Variants in ADAMTS7 observed in about 807,000 individuals in gnomAD.
ADAMTS7 encodes A disintegrin and metalloproteinase with thrombospondin motifs 7.
A neutral mutation model predicts 172.6 loss-of-function variants in ADAMTS7; 89 were observed. That is an observed-to-expected ratio of 0.52 (90% CI 0.43 to 0.61). The LOEUF (loss-of-function observed/expected upper bound fraction) is 0.61. ADAMTS7 is among the 20% of genes least tolerant of loss of function. The pLI is 0.00. For missense variants in ADAMTS7, 1,973 were observed against 2,355.6 expected (o/e 0.84, Z 3.36); for synonymous variants, 885 against 978.4 (o/e 0.90, Z 1.78).
At chr15:78,777,062 G>A in intron 9 of ADAMTS7, 1 of 579,596 alleles carries the variant, frequency 1.7e-6, no homozygotes. Flanking sequence ...GCGGTCCCCA[G>A]CTGTCCACAC....
In ADAMTS7 at chr15:78,768,227, G is replaced by T; in HGVS notation, c.2551C>A (p.Arg851=). 2.5e-6 allele frequency: 4 copies of T among 1,610,718 alleles called. No individual in the cohort carries two copies. Among genetic ancestry groups the T allele is most frequent in the Non-Finnish European group, 3.4e-6 (4 of 1,179,628 alleles). Residue 851 remains arginine (R), a synonymous_variant, in exon 17 of 24, where the codon CGG becomes AGG. Transcript: ENST00000388820. ...TCCTCGTCCACGGGCCCTGCCTGCCGCTCCAAGCAGTACACATTCTGCCTC... is the reference window on the plus strand; with the variant it reads ...TCCTCGTCCACGGGCCCTGCCTGCCTCTCCAAGCAGTACACATTCTGCCTC... ...VQRQNVYCLE[R]QAGPVDEEHC... is the part of the protein sequence containing the mutation.
intron 1 of ADAMTS7, among the ~76,000 whole-genome samples, chr15:78,806,123 CACACAAAAAAAAAAAAAAA>C (rs1185752500): frequency 5.5e-4 from 11 of 20,122 alleles, no homozygotes; most frequent in South Asian, 6.0e-3. Context: ...CACACACACA[CACACAAAAAAAAAAAAAAA>C]AAAAAAAAAA....
chr15:78,788,625 G>C (rs2055538737), intron 7 of ADAMTS7, among the ~76,000 whole-genome samples: 1 of 152,254 alleles, frequency 6.6e-6, no homozygotes. Flanking sequence ...CAGGGACCCA[G>C]AGCAGCCCTG....
rs185165023 is a variant in ADAMTS7 at position 78,761,790 on chromosome 15, C to T, written c.4903+613G>A. The T allele has an allele frequency of 3.6e-4, 344 of 965,072 alleles. 2 individuals are homozygous for T. The African/African-American group carries it at 5.4e-3, about 15-fold the overall frequency. The allele number at this position is 965,072 out of a possible 1,614,324, so 59.8% of individuals were successfully genotyped here. A position where few individuals can be genotyped will look rare whatever the true frequency, so the allele number is the denominator to read the frequency against. On this transcript the variant is annotated intron_variant, in intron 23 of 23. Coordinates refer to ENST00000388820, the MANE Select transcript of ADAMTS7 (RefSeq NM_014272.5). ...CACGCACACATGCTGGAGGCGGCGG[C>T]AGGGGTGTCCAGAACCACCTCTACC...
Position 78,777,490 on chromosome 15 carries a change from C to T in ADAMTS7, c.1421G>A (p.Cys474Tyr). Residue 474 changes from cysteine (C) to tyrosine (Y), a missense_variant, in exon 9 of 24, where the codon TGC (cysteine) becomes TAC (tyrosine). By Grantham distance (194) the Cys-to-Tyr change is radical (BLOSUM62 -2). This residue lies in a region of ADAMTS7 where 526 missense variants were observed against 662.9 expected (regional missense o/e 0.79). Coordinates refer to ENST00000388820, the MANE Select transcript of ADAMTS7 (RefSeq NM_014272.5). ...PGVLYDVSHQ[C>Y]RLQYGAYSAF... is the part of the protein sequence containing the mutation. The stretch of plus-strand genomic sequence containing the variant: ...AGAGTAGGCCCCGTACTGGAGGCGG[C>T]ACTGGTGGCTTACATCATAGAGGAC... 6.2e-7 allele frequency: 1 copy of T among 1,612,896 alleles called. No homozygotes were observed. Among genetic ancestry groups the T allele is most frequent in the South Asian group, 1.1e-5 (1 of 90,716 alleles).
intron 11 of ADAMTS7, 33 bp from the exon 12 acceptor site, chr15:78,774,826 G>A (rs754357114): frequency 7.1e-6 from 11 of 1,555,532 alleles, no homozygotes; most frequent in African/African-American, 5.4e-5. Flanking sequence ...CCCCAGTGAC[G>A]GCCCAGTGAG....
intron 16 of ADAMTS7, among the ~76,000 whole-genome samples, chr15:78,770,131 C>G (rs2055222472): frequency 6.6e-6 from 1 of 151,238 alleles, no homozygotes; most frequent in Non-Finnish European, 1.5e-5. Flanking sequence ...CCATTGCACT[C>G]CAGCCTGGGC....
intron 20 of ADAMTS7, among the ~76,000 whole-genome samples, 192 bp downstream of exon 20, chr15:78,764,363 A>T (rs1195747623): frequency 6.6e-6 from 1 of 152,250 alleles, no homozygotes; most frequent in East Asian, 1.9e-4. Context: ...AAAGATACAG[A>T]GGAAAGGAGA....
chr15:78,779,632 C>G (rs1202522064), intron 8 of ADAMTS7, among the ~76,000 whole-genome samples: 2 of 152,198 alleles, frequency 1.3e-5, no homozygotes, highest in Non-Finnish European at 2.9e-5. Context: ...GGCAGAGTAT[C>G]AGCGGCGGGT....
Position 78,800,434 on chromosome 15 carries a change from C to G in ADAMTS7, c.214G>C (p.Val72Leu). 6.2e-7 allele frequency: 1 copy of G among 1,610,868 alleles called. No homozygotes were observed. Reference protein sequence around the residue: ...LWPRALRKRDVSVRRDAPAFY... With the variant: ...LWPRALRKRDLSVRRDAPAFY... ...GCGGGCGCGTCTCGGCGCACAGATA[C>G]ATCCCGCTTGCGCAGTGCGCGGGGC... The change falls in exon 2 of 24, where the codon GTA becomes CTA. Residue 72 changes from valine (V) to leucine (L), a missense_variant. Around this residue, in one of 8 missense-constraint regions of ADAMTS7, gnomAD observed 306 missense variants for 288.0 expected, o/e 1.06. Transcript: ENST00000388820.
At chr15:78,806,400 AG>A (rs1476376833) in intron 1 of ADAMTS7, among the ~76,000 whole-genome samples, 2 of 152,220 alleles carry the variant, frequency 1.3e-5, no homozygotes, top group Non-Finnish European at 2.9e-5. Context: ...GAAGTAAGAA[AG>A]GGCAACAAGA....
rs200008556 is a variant in ADAMTS7 at position 78,773,545 on chromosome 15, A to C, written c.2011-342T>G. On this transcript the variant is annotated intron_variant, in intron 13 of 23. Transcript: ENST00000388820. ...CTGAGCAGCGCGTGCAGGGAATTTC[A>C]ACGTCAAAGGCACTGGGGGTTGGCA... Among the ~76,000 whole-genome samples, 150 of 151,922 alleles carry C rather than the reference A, an allele frequency of 9.9e-4. 2 individuals are homozygous for C. The East Asian group carries it at 0.026, about 27-fold the overall frequency.
At chr15:78,809,232 A>C (rs1298977550) in intron 1 of ADAMTS7, among the ~76,000 whole-genome samples, 1 of 152,152 alleles carries the variant, frequency 6.6e-6, no homozygotes, top group Non-Finnish European at 1.5e-5. Flanking sequence ...TATTTTCCTA[A>C]AAGTGAGCCC....
intron 14 of ADAMTS7, among the ~76,000 whole-genome samples, chr15:78,772,763 G>A (rs184655898): frequency 3.3e-5 from 5 of 152,380 alleles, no homozygotes; most frequent in East Asian, 1.9e-4. Context: ...AAAACAGACC[G>A]GAGGTGAGGA....
In ADAMTS7 at chr15:78,767,509, C is replaced by T. The variant is rs1180646591; in HGVS notation, c.2729G>A (p.Ser910Asn). 1 of 1,608,508 alleles carries T rather than the reference C, an allele frequency of 6.2e-7. No homozygotes were observed. Among genetic ancestry groups the T allele is most frequent in the South Asian group, 1.1e-5 (1 of 90,490 alleles). ...LSRRAVLCIR[S>N]VGLDEQSALE... ...GGCGCTCTGCTCATCCAGCCCCACGCTGCGGATGCAGAGCACGGCCCGGCG... is the reference window on the plus strand; with the variant it reads ...GGCGCTCTGCTCATCCAGCCCCACGTTGCGGATGCAGAGCACGGCCCGGCG... Residue 910 changes from serine to asparagine, a missense_variant, in exon 18 of 24, where the codon AGC (serine) becomes AAC (asparagine). Coordinates refer to ENST00000388820, the MANE Select transcript of ADAMTS7 (RefSeq NM_014272.5).
intron 1 of ADAMTS7, among the ~76,000 whole-genome samples, chr15:78,804,053 A>G (rs1246325855): frequency 6.6e-6 from 1 of 152,156 alleles, no homozygotes; most frequent in Non-Finnish European, 1.5e-5. Flanking sequence ...TTCCTAGGTG[A>G]GACAGCAAAG....
chr15:78,774,472 G>A lies in ADAMTS7; in HGVS notation c.1876+152C>T, dbSNP rs994807682. 6.8e-5 allele frequency: 93 copies of A among 1,372,782 alleles called. No individual in the cohort carries two copies. The African/African-American group carries it at 1.2e-3, about 18-fold the overall frequency. The allele number at this position is 1,372,782 out of a possible 1,614,324, so 85.0% of individuals were successfully genotyped here. ...GCTATCTGCAAGGCTGCAGACTGGG[G>A]AGCTAGGGGCGAGCAGCAGCCCCAG... On this transcript the variant is annotated intron_variant, in intron 12 of 23. Coordinates refer to ENST00000388820, the MANE Select transcript of ADAMTS7 (RefSeq NM_014272.5).
At chr15:78,808,857 T>A (rs999412368) in intron 1 of ADAMTS7, among the ~76,000 whole-genome samples, 1 of 152,232 alleles carries the variant, frequency 6.6e-6, no homozygotes, top group African/African-American at 2.4e-5. Flanking sequence ...TCTGTTCTGA[T>A]TGGACCAAGC....
rs114025221 is a variant in ADAMTS7 at position 78,808,568 on chromosome 15, G to C, written c.100+2553C>G. Among the ~76,000 whole-genome samples the C allele has an allele frequency of 5.6e-3, 858 of 152,210 alleles. 11 individuals carry two copies. The highest frequency in any genetic ancestry group is 0.02 in the African/African-American group (814 of 41,536). On this transcript the variant is annotated intron_variant, in intron 1 of 23. Transcript: ENST00000388820. The stretch of plus-strand genomic sequence containing the variant: ...CCTTTTTTTATAGTGAACTTGTATT[G>C]TTTTGCCATTAAAATATTTTTAAAA...
Sources: gnomAD v4.1 joint callset for allele counts (sites outside exome capture counted in the v4.1 genomes callset) on GRCh38, gnomAD v4.1.1 for gene constraint, gnomAD v4.1.1 regional missense constraint, MANE v1.5 for transcripts, NCBI Gene and HGNC (gene_info 2026-07-23, HGNC 2026-07-21) for gene names.